FBXL7: variants seen among roughly 807,000 people sequenced by gnomAD.
FBXL7 encodes the protein F-box and leucine rich repeat protein 7.
Under a neutral mutation model 38.3 loss-of-function variants are expected in FBXL7, and 12 were observed. The observed-to-expected ratio is 0.31, with a 90% CI of 0.20 to 0.51. The LOEUF (loss-of-function observed/expected upper bound fraction) is 0.51. Ranked by LOEUF, FBXL7 falls within the 20% of genes least tolerant of loss-of-function variation. The pLI, the probability that FBXL7 is intolerant of heterozygous loss-of-function variation, is 0.98. For missense variants in FBXL7, 567 were observed against 676.4 expected, an observed-to-expected ratio of 0.84 and a Z score of 1.79; for synonymous variants, 297 against 300.9, an observed-to-expected ratio of 0.99 and a Z score of 0.13.
intron 2 of FBXL7, among the ~76,000 whole-genome samples, chr5:15,796,321 C>T (rs902722270): frequency 6.6e-6 from 1 of 152,176 alleles, no homozygotes; most frequent in Non-Finnish European, 1.5e-5. Context: ...CTGTCCTTTC[C>T]CTACTTTTAT....
intron 2 of FBXL7, among the ~76,000 whole-genome samples, chr5:15,816,344 T>C (rs1456265219): frequency 6.6e-6 from 1 of 152,028 alleles, no homozygotes; most frequent in Non-Finnish European, 1.5e-5. Flanking sequence ...TTGCAGCAAC[T>C]TGGATGGAGC....
At chr5:15,817,313 A>T (rs75682259) in intron 2 of FBXL7, among the ~76,000 whole-genome samples, 4,923 of 150,428 alleles carry the variant, frequency 0.033, 258 homozygotes, top group African/African-American at 0.11. Flanking sequence ...TTTTTTTTTT[A>T]AAAAAGGCAA....
chr5:15,547,685 C>G (rs1737954152), intron 1 of FBXL7, among the ~76,000 whole-genome samples: 1 of 152,174 alleles, frequency 6.6e-6, no homozygotes, highest in Non-Finnish European at 1.5e-5. Flanking sequence ...ACCCCAGGGT[C>G]ATTGGGCCTG....
At chr5:15,581,219 A>G (rs1739128962) in intron 1 of FBXL7, among the ~76,000 whole-genome samples, 1 of 152,136 alleles carries the variant, frequency 6.6e-6, no homozygotes, top group Admixed American at 6.6e-5. Flanking sequence ...CAATTCTCCT[A>G]CTGGCAGATT....
intron 1 of FBXL7, among the ~76,000 whole-genome samples, chr5:15,539,723 GC>G (rs1288758415): frequency 1.3e-5 from 2 of 150,802 alleles, no homozygotes; most frequent in African/African-American, 4.9e-5. Flanking sequence ...AATCTCCTAG[GC>G]TTTTTTTTTC....
At chr5:15,819,115 A>C (rs924181594) in intron 2 of FBXL7, among the ~76,000 whole-genome samples, 1 of 152,230 alleles carries the variant, frequency 6.6e-6, no homozygotes, top group African/African-American at 2.4e-5. Context: ...CAAATAGTAA[A>C]TAATTTTCTG....
intron 2 of FBXL7, among the ~76,000 whole-genome samples, chr5:15,814,884 A>G (rs1737973520): frequency 6.6e-6 from 1 of 152,132 alleles, no homozygotes; most frequent in African/African-American, 2.4e-5. Context: ...AGAGCACAGC[A>G]GTGGCCTGGC....
At chr5:15,927,592 T>TA (rs1416761110) in intron 2 of FBXL7, among the ~76,000 whole-genome samples, 1 of 151,704 alleles carries the variant, frequency 6.6e-6, no homozygotes, top group Non-Finnish European at 1.5e-5. Flanking sequence ...GCCAACATGG[T>TA]AAAACCCCGT....
chr5:15,798,243 A>T (rs1159958717), intron 2 of FBXL7, among the ~76,000 whole-genome samples: 1 of 152,110 alleles, frequency 6.6e-6, no homozygotes, highest in Non-Finnish European at 1.5e-5. Context: ...ACAGACACCC[A>T]CAGGCTTGCC....
intron 2 of FBXL7, among the ~76,000 whole-genome samples, chr5:15,692,628 C>T (rs1025078131): frequency 4.6e-5 from 7 of 152,174 alleles, no homozygotes; most frequent in Non-Finnish European, 1.0e-4. Context: ...GGGACTTCAT[C>T]CAGGCCTGAT....
intron 2 of FBXL7, among the ~76,000 whole-genome samples, chr5:15,702,142 G>T (rs1042257098): frequency 6.6e-6 from 1 of 151,860 alleles, no homozygotes; most frequent in African/African-American, 2.4e-5. Context: ...GGAGACTGGG[G>T]CAGGAAAATC....
chr5:15,736,076 C>T (rs1457398590), intron 2 of FBXL7, among the ~76,000 whole-genome samples: 1 of 152,130 alleles, frequency 6.6e-6, no homozygotes, highest in African/African-American at 2.4e-5. Flanking sequence ...GATTTAGTGT[C>T]TTTCTGGGTG....
At chr5:15,541,482 A>ATATATATATAT (rs1737752111) in intron 1 of FBXL7, among the ~76,000 whole-genome samples, 1 of 32,654 alleles carries the variant, frequency 3.1e-5, no homozygotes, top group Non-Finnish European at 7.2e-5. Flanking sequence ...TATATATATA[A>ATATATATATAT]AGGTATAGCC....
chr5:15,518,203 C>G (rs1315493173), intron 1 of FBXL7, among the ~76,000 whole-genome samples: 2 of 152,066 alleles, frequency 1.3e-5, no homozygotes, highest in Non-Finnish European at 2.9e-5. Context: ...GTTGGCCAGG[C>G]TAGTCTCGAA....
At chr5:15,747,813 G>C (rs1221983423) in intron 2 of FBXL7, among the ~76,000 whole-genome samples, 2 of 152,084 alleles carry the variant, frequency 1.3e-5, no homozygotes, top group African/African-American at 4.8e-5. Context: ...TTCTTACTTA[G>C]GCTGCTGCTT....
intron 2 of FBXL7, among the ~76,000 whole-genome samples, chr5:15,641,969 G>A (rs1234936837): frequency 2.0e-5 from 3 of 151,704 alleles, no homozygotes; most frequent in Non-Finnish European, 2.9e-5. Context: ...GTGTGTGTGT[G>A]TGTGTGTGTG....
chr5:15,921,100 A>T (rs146371755), intron 2 of FBXL7, among the ~76,000 whole-genome samples: 34 of 152,206 alleles, frequency 2.2e-4, no homozygotes, highest in African/African-American at 7.7e-4. Flanking sequence ...ATTTGAAATT[A>T]GCTGGGAACA....
rs186267230 is a variant in FBXL7 at position 15,784,904 on chromosome 5, T to C, written c.128-142986T>C. On this transcript the variant is annotated intron_variant, in intron 2 of 3. Transcript: ENST00000504595. ...CACACGCACAAACACAAAATTAGCT[T>C]CTATTTCACTAGCACAAGATTCTAC... is the stretch of plus-strand genomic sequence containing the variant. 1.6e-3 allele frequency among the ~76,000 whole-genome samples: 237 copies of C among 152,314 alleles called. 1 individual carries two copies. Among genetic ancestry groups the C allele is most frequent in the African/African-American group, 5.2e-3 (215 of 41,570 alleles).
At chr5:15,785,346 A>G (rs1162155383) in intron 2 of FBXL7, among the ~76,000 whole-genome samples, 2 of 152,184 alleles carry the variant, frequency 1.3e-5, no homozygotes, top group East Asian at 3.9e-4. Flanking sequence ...CATGATACAC[A>G]TTCACGTGTG....
Sources: allele counts gnomAD v4.1 joint callset (sites outside exome capture counted in the v4.1 genomes callset), GRCh38; gene constraint gnomAD v4.1.1; transcripts MANE v1.5; gene names NCBI Gene and HGNC (gene_info 2026-07-23, HGNC 2026-07-21).